RAB2A: variants seen among roughly 807,000 people sequenced by gnomAD.
The protein encoded by RAB2A is ras-related protein Rab-2A.
In RAB2A, 7 loss-of-function variants were observed where a neutral mutation model predicts 32.5. The ratio of observed to expected loss-of-function variants is 0.22; its 90% CI spans 0.12 to 0.40. The LOEUF is 0.40. Ranked by LOEUF, RAB2A falls within the 10% of genes least tolerant of loss-of-function variation. The probability of loss-of-function intolerance (pLI) is 1.00; values close to 1 mark genes in which losing one functional copy is unlikely to be tolerated. For missense variants in RAB2A, 108 were observed against 260.7 expected (o/e 0.41, Z 4.03); for synonymous variants, 79 against 85.2 (o/e 0.93, Z 0.40).
chr8:60,609,719 A>G (rs1337579721), intron 6 of RAB2A, among the ~76,000 whole-genome samples: 1 of 152,126 alleles, frequency 6.6e-6, no homozygotes. Flanking sequence ...TACTCCCAAC[A>G]CTTAGGGAGG....
chr8:60,517,113 G>A lies in RAB2A; in HGVS notation c.-95G>A. ...CAGCGGCGGCGGCGGGCGGCGCCTG[G>A]CGTTTCGAGGCTGAGCGGCACCGGG... On this transcript the variant is annotated 5_prime_UTR_variant, in exon 1 of 8. Coordinates refer to ENST00000262646, the MANE Select transcript of RAB2A (RefSeq NM_002865.3). The A allele has an allele frequency of 7.7e-7, 1 of 1,300,692 alleles. No individual in the cohort carries two copies. The highest frequency in any genetic ancestry group is 1.0e-6 in the Non-Finnish European group (1 of 987,644). 80.6% of individuals were successfully genotyped at this position (1,300,692 alleles called of 1,614,324 possible).
intron 1 of RAB2A, among the ~76,000 whole-genome samples, chr8:60,547,703 G>T (rs1382287232): frequency 8.6e-6 from 1 of 116,636 alleles, no homozygotes; most frequent in Non-Finnish European, 1.8e-5. Context: ...GGGCGGGGGG[G>T]CTGACCCCCC....
intron 1 of RAB2A, among the ~76,000 whole-genome samples, chr8:60,547,510 C>G (rs1325369452): frequency 6.6e-6 from 1 of 151,436 alleles, no homozygotes; most frequent in Non-Finnish European, 1.5e-5. Context: ...GACAGGGCAG[C>G]TGGCCGGACG....
At position 60,540,794 on chromosome 8, in the gene RAB2A, A is replaced by G. The variant is rs990191743; in HGVS notation, c.47-18058A>G. Among the ~76,000 whole-genome samples the G allele has an allele frequency of 5.9e-5, 9 of 152,262 alleles. No individual in the cohort carries two copies. The East Asian group carries it at 1.5e-3, about 26-fold the overall frequency. On this transcript the variant is annotated intron_variant, in intron 1 of 7. Transcript: ENST00000262646. ...ACCGTGCCCAGCCCATTTTTTTTAT[A>G]TAAGAGTAATGCCTACACATGGTAA...
chr8:60,570,297 TTCTC>T (rs1389478799), intron 2 of RAB2A, among the ~76,000 whole-genome samples: 5 of 152,126 alleles, frequency 3.3e-5, no homozygotes, highest in Non-Finnish European at 7.3e-5. Context: ...AATAAAATTT[TTCTC>T]TCTCTTTCTC....
At chr8:60,563,760 T>C (rs1808061803) in intron 2 of RAB2A, among the ~76,000 whole-genome samples, 1 of 152,196 alleles carries the variant, frequency 6.6e-6, no homozygotes, top group South Asian at 2.1e-4. Context: ...ACAATTTTTT[T>C]ACCTCATCAG....
chr8:60,532,813 T>A (rs1026203123), intron 1 of RAB2A, among the ~76,000 whole-genome samples: 1 of 152,220 alleles, frequency 6.6e-6, no homozygotes, highest in Admixed American at 6.5e-5. Flanking sequence ...CTCAGCCAGC[T>A]ACATGAATTT....
chr8:60,552,012 T>TGTTTGTTTTTTG (rs71521927), intron 1 of RAB2A: 14,528 of 146,358 alleles, frequency 0.099, 1,172 homozygotes, highest in East Asian at 0.24. Context: ...TTTTTTTTTT[T>TGTTTGTTTTTTG]TTTTTTTTAA....
rs77593133 is a variant in RAB2A, at chr8:60,611,330, C to T, written c.475-7250C>T. Among the ~76,000 whole-genome samples, 1,461 of 152,288 alleles carry T rather than the reference C, an allele frequency of 9.6e-3. 29 individuals carry two copies. Among genetic ancestry groups the T allele is most frequent in the African/African-American group, 0.033 (1,378 of 41,552 alleles). ...GTTCCTGGCCGTCCTCAGCTTCCAA[C>T]AGAATTGAACTTAAAATCTGCTCCT... On this transcript the variant is annotated intron_variant, in intron 6 of 7. Coordinates refer to ENST00000262646, the MANE Select transcript of RAB2A (RefSeq NM_002865.3).
chr8:60,596,726 C>T (rs1804035846), intron 6 of RAB2A, among the ~76,000 whole-genome samples: 1 of 152,040 alleles, frequency 6.6e-6, no homozygotes, highest in South Asian at 2.1e-4. Flanking sequence ...ATGAGACCAT[C>T]CTGGCTAACA....
chr8:60,558,689 TC>T (rs1807974327), intron 1 of RAB2A, 162 bp from the exon 2 acceptor site: 4 of 664,132 alleles, frequency 6.0e-6, no homozygotes, highest in Non-Finnish European at 1.1e-5. Flanking sequence ...TCCACCTAAA[TC>T]ATCAGTCCTC....
At chr8:60,577,958 A>G (rs1405134184) in intron 3 of RAB2A, among the ~76,000 whole-genome samples, 3 of 151,896 alleles carry the variant, frequency 2.0e-5, no homozygotes, top group African/African-American at 7.3e-5. Flanking sequence ...TAAATTTTTA[A>G]GTTGAGTCTT....
chr8:60,616,014 C>G (rs1261293621), intron 6 of RAB2A, among the ~76,000 whole-genome samples: 3 of 152,006 alleles, frequency 2.0e-5, no homozygotes, highest in Admixed American at 2.0e-4. Flanking sequence ...AATGTGTAAT[C>G]AGAGATTGAA....
rs1052161241 is a variant in RAB2A at position 60,584,397 on chromosome 8, C to G, written c.269+107C>G. The G allele has an allele frequency of 3.8e-5, 35 of 918,034 alleles. No individual in the cohort carries two copies. In the South Asian group the frequency reaches 4.2e-4, roughly 11 times the overall value. The allele number at this position is 918,034 out of a possible 1,614,324, so 56.9% of individuals were successfully genotyped here. ...TAGCTTAGCCTTTCTGCCCCGGCTA[C>G]TCACCTTTAAAACTGCATCTTGAGT... On this transcript the variant is annotated intron_variant, in intron 4 of 7. Coordinates refer to ENST00000262646, the MANE Select transcript of RAB2A (RefSeq NM_002865.3).
intron 5 of RAB2A, among the ~76,000 whole-genome samples, chr8:60,587,833 T>G (rs549118767): frequency 6.6e-6 from 1 of 152,166 alleles, no homozygotes; most frequent in African/African-American, 2.4e-5. Flanking sequence ...AGAAAATATT[T>G]GTGAAAAATG....
chr8:60,541,463 C>G (rs1460428428), intron 1 of RAB2A, among the ~76,000 whole-genome samples: 1 of 152,076 alleles, frequency 6.6e-6, no homozygotes, highest in Non-Finnish European at 1.5e-5. Flanking sequence ...GGGAGGCAGT[C>G]AGATCACCTG....
chr8:60,542,878 C>CT (rs1330052902), intron 1 of RAB2A, among the ~76,000 whole-genome samples: 2 of 152,148 alleles, frequency 1.3e-5, no homozygotes, highest in Non-Finnish European at 2.9e-5. Context: ...CTCTTGGGAA[C>CT]TTTATTTTTA....
chr8:60,585,390 G>A (rs1803831437), intron 5 of RAB2A, among the ~76,000 whole-genome samples: 1 of 152,074 alleles, frequency 6.6e-6, no homozygotes, highest in Non-Finnish European at 1.5e-5. Flanking sequence ...ATAGCTCACT[G>A]CAGCTTGGCC....
chr8:60,574,841 T>C (rs1434505763), intron 3 of RAB2A, among the ~76,000 whole-genome samples: 1 of 152,164 alleles, frequency 6.6e-6, no homozygotes, highest in Non-Finnish European at 1.5e-5. Flanking sequence ...CCCTTGTTTG[T>C]GTTCCTCTAG....
Sources: allele counts gnomAD v4.1 joint callset (sites outside exome capture counted in the v4.1 genomes callset), GRCh38; gene constraint gnomAD v4.1.1; transcripts MANE v1.5; gene names NCBI Gene and HGNC (gene_info 2026-07-23, HGNC 2026-07-21).